The following GLYR1 variants were observed in gnomAD, a reference collection of about 807,000 sequenced individuals.
The protein encoded by GLYR1 is cytokine-like nuclear factor N-PAC.
A neutral mutation model predicts 72.7 loss-of-function variants in GLYR1; 21 were observed. That is an observed-to-expected ratio of 0.29 (90% CI 0.20 to 0.42). The LOEUF is 0.42. Ranked by LOEUF, GLYR1 falls within the 10% of genes least tolerant of loss-of-function variation. The pLI is 1.00. For missense variants in GLYR1, 594 were observed against 712.1 expected (o/e 0.83, Z 1.89); for synonymous variants, 392 against 270.2 (o/e 1.45, Z -4.42).
intron 6 of GLYR1, 144 bp downstream of exon 6, chr16:4,823,677 T>C: frequency 1.4e-6 from 1 of 735,834 alleles, no homozygotes; most frequent in East Asian, 2.5e-5. Flanking sequence ...ATTTTTAATT[T>C]TTTATTTCAT....
intron 15 of GLYR1, among the ~76,000 whole-genome samples, chr16:4,807,107 CTTTTTTTTT>C (rs765039360): frequency 1.1e-3 from 125 of 110,890 alleles, no homozygotes; most frequent in Non-Finnish European, 2.0e-3. Context: ...CGCCTGGCCC[CTTTTTTTTT>C]TTTTTTTTTT....
chr16:4,845,523 T>C (rs2085950263), intron 2 of GLYR1, among the ~76,000 whole-genome samples: 1 of 144,638 alleles, frequency 6.9e-6, no homozygotes, highest in African/African-American at 2.5e-5. Context: ...TGTGACCCCA[T>C]TATTACTGAA....
intron 3 of GLYR1, chr16:4,839,581 T>G (rs1463148689): frequency 1.3e-5 from 2 of 152,258 alleles, no homozygotes; most frequent in Admixed American, 6.5e-5. Context: ...AAAAATTACG[T>G]GGGCAGTTTT....
chr16:4,808,191 A>G (rs1435696467), intron 15 of GLYR1, among the ~76,000 whole-genome samples: 1 of 146,162 alleles, frequency 6.8e-6, no homozygotes, highest in Non-Finnish European at 1.5e-5. Flanking sequence ...AACTGAGATC[A>G]TGTCACTGCA....
At chr16:4,841,878 C>T (rs2085580509) in intron 3 of GLYR1, among the ~76,000 whole-genome samples, 1 of 152,198 alleles carries the variant, frequency 6.6e-6, no homozygotes. Context: ...TTCATGGTAT[C>T]CCCACTGTCT....
intron 5 of GLYR1, among the ~76,000 whole-genome samples, chr16:4,824,337 AC>A (rs1303496355): frequency 6.6e-6 from 1 of 151,694 alleles, no homozygotes; most frequent in East Asian, 1.9e-4. Flanking sequence ...ACACGGTGAA[AC>A]CCCGTCTCTA....
chr16:4,815,806 C>T (rs539994154), intron 10 of GLYR1, among the ~76,000 whole-genome samples: 2 of 151,444 alleles, frequency 1.3e-5, no homozygotes, highest in African/African-American at 4.8e-5. Flanking sequence ...TTTTTTGAGA[C>T]AGAGTCTCGC....
rs535514463 is a variant in GLYR1 at position 4,824,423 on chromosome 16, CG to C, written c.538-517del. ...GTTGAGGCAGAAGAATCGCTTGAAC[CG>C]GGGAGGTGGAAGTTGCAGTGAGCCG... On this transcript the variant is annotated intron_variant, in intron 5 of 15. Coordinates refer to ENST00000321919, the MANE Select transcript of GLYR1 (RefSeq NM_032569.4). Among the ~76,000 whole-genome samples the C allele has an allele frequency of 7.2e-4, 103 of 144,036 alleles. 1 individual carries two copies. Among genetic ancestry groups the C allele is most frequent in the African/African-American group, 2.5e-3 (97 of 39,074 alleles). 94.5% of individuals were successfully genotyped at this position (144,036 alleles called of 152,430 possible). A position where few individuals can be genotyped will look rare whatever the true frequency, so the allele number is the denominator to read the frequency against.
intron 5 of GLYR1, among the ~76,000 whole-genome samples, chr16:4,826,127 A>C (rs886785482): frequency 2.6e-5 from 4 of 152,028 alleles, no homozygotes; most frequent in Admixed American, 2.6e-4. Flanking sequence ...GGCTCACTGC[A>C]GCCTCAACCA....
At position 4,805,222 on chromosome 16, in the gene GLYR1, G is replaced by T. The variant is rs760023609; in HGVS notation, c.*14C>A. On this transcript the variant is annotated 3_prime_UTR_variant, in exon 16 of 16. Coordinates refer to ENST00000321919, the MANE Select transcript of GLYR1 (RefSeq NM_032569.4). ...GAGGGGGGATTGGAGGGGTGAGGGCGGGGTGTCGACAGCTTAGTGTATGTA... is the reference window on the plus strand; with the variant it reads ...GAGGGGGGATTGGAGGGGTGAGGGCTGGGTGTCGACAGCTTAGTGTATGTA... 1.9e-6 allele frequency: 3 copies of T among 1,612,328 alleles called. No individual in the cohort carries two copies. The highest frequency in any genetic ancestry group is 2.7e-5 in the African/African-American group (2 of 74,890).
chr16:4,832,302 C>G, intron 4 of GLYR1, 81 bp from the exon 5 acceptor site: 1 of 1,534,866 alleles, frequency 6.5e-7, no homozygotes, highest in Non-Finnish European at 8.9e-7. Context: ...GTGCCATGTG[C>G]TGCTACAGGC....
At chr16:4,843,549 T>C in intron 3 of GLYR1, 5 of 1,289,128 alleles carry the variant, frequency 3.9e-6, no homozygotes, top group Non-Finnish European at 5.1e-6. Flanking sequence ...CTTGAAATAC[T>C]GCCACCACAG....
chr16:4,823,801 C>A lies in GLYR1; in HGVS notation c.624+20G>T, dbSNP rs1027288867. ...TCGCCCTAAGCCACAGCTTGTCCTG[C>A]CTGCAGGAGAGCTCCTTACCTCGCT... On this transcript the variant is annotated intron_variant, in intron 6 of 15. Transcript: ENST00000321919. 6.2e-7 allele frequency: 1 copy of A among 1,608,842 alleles called. No homozygotes were observed. Among genetic ancestry groups the A allele is most frequent in the Admixed American group, 1.7e-5 (1 of 59,916 alleles).
At chr16:4,817,758 T>G (rs1189240931) in intron 9 of GLYR1, 61 bp from the exon 10 acceptor site, 1 of 1,037,078 alleles carries the variant, frequency 9.6e-7, no homozygotes, top group African/African-American at 1.6e-5. Flanking sequence ...TGATGATGAT[T>G]CCATGCAGCA....
At chr16:4,830,166 G>C (rs886734676) in intron 5 of GLYR1, among the ~76,000 whole-genome samples, 2 of 150,666 alleles carry the variant, frequency 1.3e-5, no homozygotes, top group African/African-American at 4.9e-5. Context: ...GCTCACCTCA[G>C]CCTCCGAAAA....
At chr16:4,820,273 G>A (rs1222526512) in intron 9 of GLYR1, among the ~76,000 whole-genome samples, 1 of 152,238 alleles carries the variant, frequency 6.6e-6, no homozygotes, top group East Asian at 1.9e-4. Flanking sequence ...ACAGCCATGA[G>A]CCACCATGCC....
At chr16:4,814,687 G>T in intron 10 of GLYR1, 40 bp from the exon 11 acceptor site, 2 of 1,478,196 alleles carry the variant, frequency 1.4e-6, no homozygotes, top group South Asian at 1.1e-5. Flanking sequence ...TGCAGGCAGT[G>T]CACAACAAAC....
At chr16:4,841,047 A>C (rs1484676814) in intron 3 of GLYR1, among the ~76,000 whole-genome samples, 1 of 152,218 alleles carries the variant, frequency 6.6e-6, no homozygotes, top group Non-Finnish European at 1.5e-5. Flanking sequence ...AAAATGTAGA[A>C]CTCTAGCAAA....
chr16:4,821,329 CA>C, intron 9 of GLYR1, 50 bp downstream of exon 9: 1 of 1,593,792 alleles, frequency 6.3e-7, no homozygotes, highest in Middle Eastern at 2.3e-4. Context: ...ACCTTCTCCC[CA>C]CCCTCAGCAG....
Sources: gnomAD v4.1 joint callset for allele counts (sites outside exome capture counted in the v4.1 genomes callset) on GRCh38, gnomAD v4.1.1 for gene constraint, MANE v1.5 for transcripts, NCBI Gene and HGNC (gene_info 2026-07-23, HGNC 2026-07-21) for gene names.